Variants in KIF6 observed in about 807,000 individuals in gnomAD.
KIF6 encodes kinesin-like protein KIF6.
A neutral mutation model predicts 112.7 loss-of-function variants in KIF6; 106 were observed. The ratio of observed to expected loss-of-function variants is 0.94; its 90% confidence interval spans 0.80 to 1.11. The LOEUF is 1.11. KIF6 is among the 50% of genes least tolerant of loss of function. KIF6 has a pLI of 0.00. For missense variants in KIF6, 929 were observed against 964.0 expected, an observed-to-expected ratio of 0.96 and a Z score of 0.48; for synonymous variants, 339 against 339.9, an observed-to-expected ratio of 1.00 and a Z score of 0.03.
At chr6:39,398,254 G>A (rs937887059) in intron 15 of KIF6, among the ~76,000 whole-genome samples, 2 of 152,166 alleles carry the variant, frequency 1.3e-5, no homozygotes, top group Admixed American at 6.5e-5. Flanking sequence ...GTTCCTTCGT[G>A]GCTAGGGACA....
intron 13 of KIF6, among the ~76,000 whole-genome samples, chr6:39,500,762 G>T (rs766448720): frequency 6.6e-5 from 10 of 152,088 alleles, no homozygotes; most frequent in Admixed American, 2.0e-4. Flanking sequence ...ATAGAAATGG[G>T]AGTTTGGAGT....
intron 14 of KIF6, among the ~76,000 whole-genome samples, chr6:39,426,094 C>T (rs142365803): frequency 5.9e-4 from 90 of 152,300 alleles, no homozygotes; most frequent in Middle Eastern, 3.4e-3. Context: ...GACTGATGGA[C>T]TCAGTTTGTA....
chr6:39,392,820 T>A (rs1336035720), intron 15 of KIF6, among the ~76,000 whole-genome samples: 3 of 152,116 alleles, frequency 2.0e-5, no homozygotes, highest in Non-Finnish European at 4.4e-5. Context: ...TAGAAGAGAA[T>A]GGAGGCAAAT....
intron 3 of KIF6, among the ~76,000 whole-genome samples, chr6:39,658,149 AG>A (rs1180364698): frequency 2.6e-5 from 4 of 152,228 alleles, no homozygotes; most frequent in African/African-American, 9.6e-5. Flanking sequence ...AGACACAAAA[AG>A]GTTAAGCATT....
At chr6:39,403,174 T>C (rs1166135477) in intron 15 of KIF6, among the ~76,000 whole-genome samples, 1 of 152,224 alleles carries the variant, frequency 6.6e-6, no homozygotes, top group African/African-American at 2.4e-5. Context: ...CATACTGTTT[T>C]ATTTTTTATT....
chr6:39,532,300 T>C (rs1408971911), intron 13 of KIF6, among the ~76,000 whole-genome samples: 1 of 152,192 alleles, frequency 6.6e-6, no homozygotes, highest in Non-Finnish European at 1.5e-5. Flanking sequence ...ACTAGAATAG[T>C]ACCTGATGTA....
chr6:39,458,666 C>T (rs1333014306), intron 13 of KIF6, among the ~76,000 whole-genome samples: 1 of 130,060 alleles, frequency 7.7e-6, no homozygotes. Flanking sequence ...TAAGCAACTT[C>T]AGCAAAGTCT....
Position 39,596,236 on chromosome 6 carries a change from G to T in KIF6, c.664C>A (p.Arg222Ser). Residue 222 changes from arginine to serine, a missense_variant, in exon 7 of 23, where the codon CGT (arginine) becomes AGT (serine). Physicochemically the swap from Arg to Ser is moderately radical, Grantham distance 110. Coordinates refer to ENST00000287152, the MANE Select transcript of KIF6 (RefSeq NM_145027.6). ...AETPMNQASTRSHCIFTIHLS... is the reference protein window; with the variant it reads ...AETPMNQASTSSHCIFTIHLS... ...TGAATGGTGAAAATGCAGTGGGAAC[G>T]GGTTGAAGCTTGGTTCATAGGAGTC... 6.2e-7 allele frequency: 1 copy of T among 1,613,834 alleles called. No individual in the cohort carries two copies. Among genetic ancestry groups the T allele is most frequent in the Non-Finnish European group, 8.5e-7 (1 of 1,179,854 alleles).
At chr6:39,404,459 G>A (rs543897511) in intron 15 of KIF6, among the ~76,000 whole-genome samples, 67 of 152,230 alleles carry the variant, frequency 4.4e-4, no homozygotes, top group African/African-American at 1.4e-3. Context: ...CCTCGGCAGT[G>A]TTGAAAATCA....
intron 13 of KIF6, among the ~76,000 whole-genome samples, chr6:39,456,889 C>T (rs1388200767): frequency 1.3e-5 from 2 of 151,328 alleles, no homozygotes; most frequent in Non-Finnish European, 2.9e-5. Context: ...GAGTGACCTA[C>T]AAAGAGACTT....
At chr6:39,511,584 A>G (rs1384706144) in intron 13 of KIF6, among the ~76,000 whole-genome samples, 1 of 152,186 alleles carries the variant, frequency 6.6e-6, no homozygotes, top group Non-Finnish European at 1.5e-5. Flanking sequence ...CAGCAATCCC[A>G]TTACTGGGTA....
chr6:39,501,387 A>G (rs1234903849), intron 13 of KIF6, among the ~76,000 whole-genome samples: 1 of 152,240 alleles, frequency 6.6e-6, no homozygotes, highest in Non-Finnish European at 1.5e-5. Context: ...TCAACACAAA[A>G]ATGCTAAAAA....
chr6:39,660,414 A>G (rs564329794), intron 3 of KIF6, among the ~76,000 whole-genome samples: 35 of 152,302 alleles, frequency 2.3e-4, no homozygotes, highest in South Asian at 2.1e-4. Context: ...AAATCATCTC[A>G]GCATAGTGGG....
chr6:39,613,279 G>A lies in KIF6; in HGVS notation c.549C>T (p.His183=). 6.2e-7 allele frequency: 1 copy of A among 1,607,868 alleles called. No individual in the cohort carries two copies. The highest frequency in any genetic ancestry group is 8.5e-7 in the Non-Finnish European group (1 of 1,177,114). The part of the protein sequence containing the change: ...TILEDPDQNI[H]LKNLTLHQAT... ...CCTGATGGAGAGTCAAGTTTTTCAGGTGAATGTTCTGATCAGGATCCTCCA... is the reference window on the plus strand; with the variant it reads ...CCTGATGGAGAGTCAAGTTTTTCAGATGAATGTTCTGATCAGGATCCTCCA... The change falls in exon 6 of 23, where the codon CAC becomes CAT. Residue 183 remains histidine (H), a synonymous_variant. Coordinates refer to ENST00000287152, the MANE Select transcript of KIF6 (RefSeq NM_145027.6).
At chr6:39,503,396 T>A (rs1227871730) in intron 13 of KIF6, among the ~76,000 whole-genome samples, 1 of 151,970 alleles carries the variant, frequency 6.6e-6, no homozygotes, top group African/African-American at 2.4e-5. Flanking sequence ...GCTAGAAAGA[T>A]CTCAAGTTAA....
At chr6:39,401,553 C>T (rs1267726060) in intron 15 of KIF6, among the ~76,000 whole-genome samples, 1 of 152,170 alleles carries the variant, frequency 6.6e-6, no homozygotes, top group Non-Finnish European at 1.5e-5. Flanking sequence ...AGAGCTCTCA[C>T]TCCTGCAGAG....
At chr6:39,515,098 A>T (rs1776997615) in intron 13 of KIF6, among the ~76,000 whole-genome samples, 1 of 152,248 alleles carries the variant, frequency 6.6e-6, no homozygotes, top group African/African-American at 2.4e-5. Context: ...CATTAAATTC[A>T]TGTGGATCAG....
At chr6:39,603,656 A>G (rs193101170) in intron 6 of KIF6, among the ~76,000 whole-genome samples, 12 of 152,024 alleles carry the variant, frequency 7.9e-5, no homozygotes, top group African/African-American at 2.7e-4. Context: ...GTGAAATATA[A>G]TTTCTTGAGG....
chr6:39,657,205 C>A (rs55941685), intron 3 of KIF6, among the ~76,000 whole-genome samples: 10,957 of 151,140 alleles, frequency 0.072, 537 homozygotes, highest in South Asian at 0.17. Flanking sequence ...TGCACTCCAG[C>A]CTGGGCAACA....
Sources: allele counts gnomAD v4.1 joint callset (sites outside exome capture counted in the v4.1 genomes callset), GRCh38; gene constraint gnomAD v4.1.1; transcripts MANE v1.5; gene names NCBI Gene and HGNC (gene_info 2026-07-23, HGNC 2026-07-21).